OR51B5: variants seen among roughly 807,000 people sequenced by gnomAD.
OR51B5 encodes the protein olfactory receptor family 51 subfamily B member 5.
For missense variants in OR51B5, 456 were observed against 374.6 expected (o/e 1.22, Z -1.79); for synonymous variants, 186 against 144.8 (o/e 1.28, Z -2.04).
At chr11:5,396,736 G>T (rs4421770) in intron 1 of OR51B5, among the ~76,000 whole-genome samples, 3 of 151,526 alleles carry the variant, frequency 2.0e-5, no homozygotes, top group East Asian at 1.9e-4. Flanking sequence ...AAAAGAGCCC[G>T]CATCGCCAAG....
chr11:5,410,768 ATGATCT>A (rs555118356), intron 1 of OR51B5, among the ~76,000 whole-genome samples: 291 of 152,324 alleles, frequency 1.9e-3, no homozygotes, highest in African/African-American at 6.4e-3. Context: ...CAATATACTG[ATGATCT>A]TGATCCCGTG....
chr11:5,393,182 C>T (rs1261600450), intron 1 of OR51B5: 6 of 151,984 alleles, frequency 3.9e-5, no homozygotes, highest in Non-Finnish European at 7.4e-5. Context: ...AAATCCATCT[C>T]CTAGGTCAGT....
chr11:5,361,003 G>T (rs1208740430), intron 1 of OR51B5, among the ~76,000 whole-genome samples: 1 of 149,886 alleles, frequency 6.7e-6, no homozygotes, highest in Non-Finnish European at 1.5e-5. Context: ...GGTGGGGGTC[G>T]GGGGGAGGGA....
chr11:5,416,502 T>C (rs1023276293), intron 1 of OR51B5, among the ~76,000 whole-genome samples: 7 of 151,576 alleles, frequency 4.6e-5, no homozygotes, highest in Admixed American at 3.3e-4. Context: ...TGTTTGCAGA[T>C]GACATGATTG....
intron 1 of OR51B5, among the ~76,000 whole-genome samples, chr11:5,353,208 G>T (rs1564917159): frequency 6.6e-6 from 1 of 152,104 alleles, no homozygotes; most frequent in Non-Finnish European, 1.5e-5. Context: ...TCTAGGGAAA[G>T]TATCTCTATG....
chr11:5,453,290 C>T (rs117403976), intron 1 of OR51B5: 4,862 of 422,180 alleles, frequency 0.012, 60 homozygotes, highest in Admixed American at 0.027. Flanking sequence ...GCAGGCTGAT[C>T]ATCATAAAAT....
At chr11:5,415,366 C>A (rs979188799) in intron 1 of OR51B5, among the ~76,000 whole-genome samples, 6 of 150,906 alleles carry the variant, frequency 4.0e-5, no homozygotes, top group African/African-American at 1.5e-4. Context: ...ATTAAAAGAA[C>A]TAGAAAAGCA....
chr11:5,445,019 T>A (rs1241995658), intron 1 of OR51B5, among the ~76,000 whole-genome samples: 1 of 152,176 alleles, frequency 6.6e-6, no homozygotes, highest in Non-Finnish European at 1.5e-5. Context: ...TCACATTGCC[T>A]CATTCAAATT....
chr11:5,488,117 G>C (rs886091263), intron 1 of OR51B5, among the ~76,000 whole-genome samples: 8 of 152,078 alleles, frequency 5.3e-5, no homozygotes, highest in African/African-American at 1.9e-4. Flanking sequence ...AAATGTCTAG[G>C]TACAAATACA....
At chr11:5,455,151 T>C (rs2133788947) in intron 1 of OR51B5, 1 of 152,342 alleles carries the variant, frequency 6.6e-6, no homozygotes, top group Middle Eastern at 3.4e-3. Flanking sequence ...TTACTTCTTT[T>C]ATCTGCCCAC....
At chr11:5,361,990 T>A (rs72874670) in intron 1 of OR51B5, among the ~76,000 whole-genome samples, 6 of 152,174 alleles carry the variant, frequency 3.9e-5, no homozygotes, top group African/African-American at 1.4e-4. Flanking sequence ...AAAGAAAAAC[T>A]TACCAAATAG....
chr11:5,407,524 TG>T (rs1035593972), intron 1 of OR51B5, among the ~76,000 whole-genome samples: 11 of 152,184 alleles, frequency 7.2e-5, no homozygotes, highest in African/African-American at 2.7e-4. Context: ...TTTCATTTTT[TG>T]AAGATTTCTC....
chr11:5,429,854 G>T (rs1467969883), intron 1 of OR51B5, among the ~76,000 whole-genome samples: 1 of 152,192 alleles, frequency 6.6e-6, no homozygotes, highest in Non-Finnish European at 1.5e-5. Flanking sequence ...AGAAGAATTT[G>T]CTGCTTTTGC....
intron 1 of OR51B5, among the ~76,000 whole-genome samples, chr11:5,388,024 C>T (rs550187204): frequency 1.3e-5 from 2 of 152,018 alleles, no homozygotes; most frequent in Admixed American, 6.5e-5. Flanking sequence ...ATTACTTTTG[C>T]ACCAACCTAA....
At chr11:5,415,199 C>G (rs561705182) in intron 1 of OR51B5, among the ~76,000 whole-genome samples, 16 of 151,846 alleles carry the variant, frequency 1.1e-4, no homozygotes, top group African/African-American at 3.6e-4. Flanking sequence ...GAAATGAAGG[C>G]AGAAATAAAG....
chr11:5,466,682 G>A (rs1034098263), intron 1 of OR51B5, among the ~76,000 whole-genome samples: 4 of 152,168 alleles, frequency 2.6e-5, no homozygotes, highest in African/African-American at 9.7e-5. Flanking sequence ...AGCTTTCTGG[G>A]ATGACTTGTG....
intron 1 of OR51B5, chr11:5,390,673 ATAAAAAC>A (rs1849782170): frequency 1.3e-5 from 4 of 316,222 alleles, no homozygotes; most frequent in Non-Finnish European, 2.3e-5. Context: ...ATGAAACTAA[ATAAAAAC>A]TAAAAAGAAC....
At chr11:5,433,652 C>T (rs779980892) in intron 1 of OR51B5, among the ~76,000 whole-genome samples, 1 of 152,026 alleles carries the variant, frequency 6.6e-6, no homozygotes, top group Non-Finnish European at 1.5e-5. Flanking sequence ...ATAGCAAGGC[C>T]CCATCTGTAC....
chr11:5,490,102 T>C lies in OR51B5; in HGVS notation n.84+15467A>G, dbSNP rs550022340. 5.3e-5 allele frequency among the ~76,000 whole-genome samples: 8 copies of C among 152,330 alleles called. No homozygotes were observed. The South Asian group carries it at 1.4e-3, about 28-fold the overall frequency. The stretch of plus-strand genomic sequence containing the variant: ...AAAGTATAAAGTCAGAGTGCCTGCG[T>C]TTGAATCCTGGCTCCTCTACTTGTG... On this transcript the variant is annotated intron_variant and non_coding_transcript_variant, in intron 1 of 4. Transcript: ENST00000415970.
Sources: allele counts gnomAD v4.1 joint callset (sites outside exome capture counted in the v4.1 genomes callset), GRCh38; gene constraint gnomAD v4.1.1; transcripts MANE v1.5; gene names NCBI Gene and HGNC (gene_info 2026-07-23, HGNC 2026-07-21).